Variants in ST3GAL6 observed in about 807,000 individuals in gnomAD.
ST3GAL6 encodes ST3 beta-galactoside alpha-2,3-sialyltransferase 6.
In ST3GAL6, 31 loss-of-function variants were observed where a neutral mutation model predicts 40.5. The observed-to-expected ratio is 0.77, with a 90% CI of 0.58 to 1.03. The LOEUF (loss-of-function observed/expected upper bound fraction) is 1.03, where lower values mean the gene tolerates loss of function less well. Among genes scored for constraint, ST3GAL6 ranks in the 50% least tolerant of loss-of-function variants. The pLI, the probability that ST3GAL6 is intolerant of heterozygous loss-of-function variation, is 0.00. For missense variants in ST3GAL6, 357 were observed against 393.2 expected, an observed-to-expected ratio of 0.91 and a Z score of 0.78; for synonymous variants, 129 against 136.9, an observed-to-expected ratio of 0.94 and a Z score of 0.40.
intron 1 of ST3GAL6, among the ~76,000 whole-genome samples, chr3:98,748,720 C>T (rs1452019636): frequency 1.3e-5 from 2 of 152,204 alleles, no homozygotes; most frequent in African/African-American, 4.8e-5. Flanking sequence ...CCCGCCTTGG[C>T]CTCCCAAAGT....
chr3:98,742,303 T>G (rs1559721015), intron 1 of ST3GAL6, among the ~76,000 whole-genome samples: 1 of 152,236 alleles, frequency 6.6e-6, no homozygotes, highest in Non-Finnish European at 1.5e-5. Context: ...AGTTTGAGTG[T>G]TGTCCAGTAG....
At position 98,763,340 on chromosome 3, in the gene ST3GAL6, A is replaced by G; in HGVS notation, c.-111A>G. 7.8e-7 allele frequency: 1 copy of G among 1,289,814 alleles called. No individual in the cohort carries two copies. Among genetic ancestry groups the G allele is most frequent in the Non-Finnish European group, 1.0e-6 (1 of 988,856 alleles). 79.9% of individuals were successfully genotyped at this position (1,289,814 alleles called of 1,614,324 possible). ...TTCCACACAGTCTGGAGTGTATGTC[A>G]GTGTGAGCTGAAGACCAGCAGAGAC... On this transcript the variant is annotated 5_prime_UTR_variant, in exon 1 of 10. Transcript: ENST00000483910.
intron 1 of ST3GAL6, among the ~76,000 whole-genome samples, chr3:98,738,537 C>A (rs1935777312): frequency 6.6e-6 from 1 of 152,162 alleles, no homozygotes; most frequent in African/African-American, 2.4e-5. Flanking sequence ...CTCGGCCTCC[C>A]AAAGTGTCGG....
intron 6 of ST3GAL6, among the ~76,000 whole-genome samples, chr3:98,787,349 T>C (rs1465548158): frequency 6.6e-6 from 1 of 152,196 alleles, no homozygotes; most frequent in East Asian, 1.9e-4. Context: ...CAAAACAGTA[T>C]TTATCTCTTT....
At chr3:98,792,738 C>T (rs1346784455) in intron 9 of ST3GAL6, among the ~76,000 whole-genome samples, 6 of 148,860 alleles carry the variant, frequency 4.0e-5, no homozygotes, top group African/African-American at 7.5e-5. Flanking sequence ...AGGCTGGTCT[C>T]GAACTCCTGG....
intron 4 of ST3GAL6, 39 bp from the exon 5 acceptor site, chr3:98,773,881 G>A: frequency 1.3e-6 from 2 of 1,561,122 alleles, no homozygotes; most frequent in Non-Finnish European, 1.8e-6. Flanking sequence ...AAAAAGACAT[G>A]ATTATCCTTT....
chr3:98,788,995 C>G (rs1940988295), intron 8 of ST3GAL6, among the ~76,000 whole-genome samples: 1 of 152,208 alleles, frequency 6.6e-6, no homozygotes, highest in African/African-American at 2.4e-5. Context: ...GTAGCTACAG[C>G]AATATTGAAA....
At chr3:98,793,282 A>AACAC (rs1327429749) in intron 9 of ST3GAL6, among the ~76,000 whole-genome samples, 1 of 152,248 alleles carries the variant, frequency 6.6e-6, no homozygotes, top group African/African-American at 2.4e-5. Flanking sequence ...AACACATCTT[A>AACAC]AACTGAACCA....
chr3:98,771,288 C>A, intron 3 of ST3GAL6: 1 of 608,700 alleles, frequency 1.6e-6, no homozygotes. Context: ...TTATTTTCCA[C>A]CCTTATTAAT....
intron 5 of ST3GAL6, among the ~76,000 whole-genome samples, chr3:98,778,752 C>A (rs978292297): frequency 6.6e-6 from 1 of 152,168 alleles, no homozygotes; most frequent in Non-Finnish European, 1.5e-5. Context: ...AGGTGCTAAG[C>A]GGAGGAGCCA....
chr3:98,766,879 A>G (rs1938411812), intron 1 of ST3GAL6, among the ~76,000 whole-genome samples: 1 of 152,202 alleles, frequency 6.6e-6, no homozygotes, highest in African/African-American at 2.4e-5. Flanking sequence ...GAGGACCCTC[A>G]GGTCAGAAGA....
chr3:98,788,166 G>A lies in ST3GAL6; in HGVS notation c.562G>A (p.Ala188Thr), dbSNP rs143633901. 2 of 1,613,654 alleles carry A rather than the reference G, an allele frequency of 1.2e-6. No homozygotes were observed. Among genetic ancestry groups the A allele is most frequent in the African/African-American group, 2.7e-5 (2 of 74,922 alleles). The stretch of plus-strand genomic sequence containing the variant: ...CCCTAATACGACAGTGATTCTCACT[G>A]CTTTTAAGCCACATGATTTAAGGTG... ...NDPNTTVILT[A>T]FKPHDLRWLL... The change falls in exon 7 of 10, where the codon GCT becomes ACT. Residue 188 changes from alanine to threonine, a missense_variant. Ala to Thr is a moderately conservative substitution (Grantham distance 58, BLOSUM62 0). Coordinates refer to ENST00000483910, the MANE Select transcript of ST3GAL6 (RefSeq NM_001323368.2).
At chr3:98,762,604 C>T (rs931022117), upstream of ST3GAL6, 1 of 264,564 alleles carries the variant, frequency 3.8e-6, no homozygotes, top group Non-Finnish European at 5.8e-6. Flanking sequence ...AATAGCTTTT[C>T]ATATTATAAT....
At chr3:98,782,220 A>G (rs1187096051) in intron 5 of ST3GAL6, 4 of 702,956 alleles carry the variant, frequency 5.7e-6, no homozygotes, top group Middle Eastern at 4.6e-4. Context: ...CAGAGAGCCC[A>G]GGACCATGAG....
At position 98,766,405 on chromosome 3, in the gene ST3GAL6, C is replaced by CTTTTTTTTT. The variant is rs369996406; in HGVS notation, c.-11-2001_-11-1993dup. 9.6e-4 allele frequency among the ~76,000 whole-genome samples: 100 copies of CTTTTTTTTT among 104,098 alleles called. 14 individuals are homozygous for CTTTTTTTTT. Among genetic ancestry groups the CTTTTTTTTT allele is most frequent in the African/African-American group, 3.3e-3 (81 of 24,412 alleles). The allele number at this position is 104,098 out of a possible 152,430, so 68.3% of individuals were successfully genotyped here. ...GTTGGATCTTTGCATAAATGTCATT[C>CTTTTTTTTT]TTTTTTTTTTTTTTTTTTTTTTTTT... On this transcript the variant is annotated intron_variant, in intron 1 of 9. Coordinates refer to ENST00000483910, the MANE Select transcript of ST3GAL6 (RefSeq NM_001323368.2).
rs1480776005 is a variant in ST3GAL6 at position 98,795,038 on chromosome 3, T to C, written c.*1277T>C. The C allele has an allele frequency of 6.6e-6, 1 of 152,196 alleles. No individual in the cohort carries two copies. The highest frequency in any genetic ancestry group is 1.9e-4 in the East Asian group (1 of 5,200). The allele number at this position is 152,196 out of a possible 1,614,324, so 9.4% of individuals were successfully genotyped here. A position where few individuals can be genotyped will look rare whatever the true frequency, so the allele number is the denominator to read the frequency against. On this transcript the variant is annotated 3_prime_UTR_variant, in exon 10 of 10. Coordinates refer to ENST00000483910, the MANE Select transcript of ST3GAL6 (RefSeq NM_001323368.2). ...GGGTGCACCAGAGAATCTGATCCAA[T>C]GCAAGCCAGTCAATCCTACAAATGT...
rs1287842095 is a variant in ST3GAL6, at chr3:98,770,924, T to TTTA, written c.137_139dup (p.Leu46dup). ...AACGGAGAAATAAGATCCAGCCTTGTTTATCAAAGCCAGCTTTTGCCTCTC... is the reference window on the plus strand; with the variant it reads ...AACGGAGAAATAAGATCCAGCCTTGTTTATTATCAAAGCCAGCTTTTGCCTCTC... On this transcript the variant is annotated inframe_insertion, in exon 3 of 10. Coordinates refer to ENST00000483910, the MANE Select transcript of ST3GAL6 (RefSeq NM_001323368.2). The TTTA allele has an allele frequency of 6.2e-7, 1 of 1,614,164 alleles. No individual in the cohort carries two copies. The highest frequency in any genetic ancestry group is 8.5e-7 in the Non-Finnish European group (1 of 1,180,000).
intron 1 of ST3GAL6, among the ~76,000 whole-genome samples, chr3:98,754,124 CATAG>C (rs1488649507): frequency 6.6e-6 from 1 of 152,168 alleles, no homozygotes; most frequent in Admixed American, 6.5e-5. Context: ...CTAGGGGTCA[CATAG>C]ATAGTGACCC....
intron 5 of ST3GAL6, among the ~76,000 whole-genome samples, chr3:98,776,433 G>C (rs1005764575): frequency 1.3e-5 from 2 of 152,216 alleles, no homozygotes; most frequent in African/African-American, 4.8e-5. Flanking sequence ...AGAGAATTTA[G>C]ACTGCCTTTG....
Sources: allele counts gnomAD v4.1 joint callset (sites outside exome capture counted in the v4.1 genomes callset), GRCh38; gene constraint gnomAD v4.1.1; transcripts MANE v1.5; gene names NCBI Gene and HGNC (gene_info 2026-07-23, HGNC 2026-07-21).